Variants in KCNK2 observed in about 807,000 individuals in gnomAD.
KCNK2 encodes the protein potassium two pore domain channel subfamily K member 2.
A neutral mutation model predicts 40.5 loss-of-function variants in KCNK2; 21 were observed. The observed-to-expected ratio is 0.52, with a 90% CI of 0.37 to 0.75. The LOEUF (loss-of-function observed/expected upper bound fraction) is 0.75. Ranked by LOEUF, KCNK2 falls within the 30% of genes least tolerant of loss-of-function variation. The pLI is 0.00. For missense variants in KCNK2, 399 were observed against 531.6 expected (o/e 0.75, Z 2.45); for synonymous variants, 191 against 202.2 (o/e 0.94, Z 0.47).
chr1:215,196,369 GAGCCACCGTGCCAGGCCA>G (rs1664864866), intron 6 of KCNK2, among the ~76,000 whole-genome samples: 1 of 152,080 alleles, frequency 6.6e-6, no homozygotes, highest in Admixed American at 6.6e-5. Context: ...CTACAGGCAT[GAGCCACCGTGCCAGGCCA>G]AGTCATACAA....
At chr1:215,186,697 ATATT>A (rs1664451907) in intron 5 of KCNK2, among the ~76,000 whole-genome samples, 1 of 152,104 alleles carries the variant, frequency 6.6e-6, no homozygotes, top group Admixed American at 6.5e-5. Flanking sequence ...TTTTAACTTC[ATATT>A]TATTTATGCA....
Position 215,223,241 on chromosome 1 carries a change from T to TAAAAAAAAAAAAA in KCNK2, c.964-11578_964-11566dup, listed in dbSNP as rs56890763. Among the ~76,000 whole-genome samples, 143 of 112,008 alleles carry TAAAAAAAAAAAAA rather than the reference T, an allele frequency of 1.3e-3. 1 individual carries two copies. Among genetic ancestry groups the TAAAAAAAAAAAAA allele is most frequent in the African/African-American group, 1.5e-3 (44 of 29,594 alleles). 73.5% of individuals were successfully genotyped at this position (112,008 alleles called of 152,430 possible). On this transcript the variant is annotated intron_variant, in intron 6 of 6. Transcript: ENST00000444842. The stretch of plus-strand genomic sequence containing the variant: ...TATCTGTACAGAATAAGCTCTTTTC[T>TAAAAAAAAAAAAA]AAAAAAAAAAAAAAAAAAAAAGTCA...
intron 6 of KCNK2, among the ~76,000 whole-genome samples, chr1:215,218,466 G>A (rs138797676): frequency 7.0e-4 from 106 of 152,256 alleles, no homozygotes; most frequent in African/African-American, 2.2e-3. Flanking sequence ...ATATCACCCC[G>A]CATTCATCCA....
intron 1 of KCNK2, among the ~76,000 whole-genome samples, chr1:215,042,575 A>G (rs1444854894): frequency 6.6e-6 from 1 of 152,238 alleles, no homozygotes; most frequent in Admixed American, 6.5e-5. Context: ...TTGACTAAGA[A>G]TAAGAGTAGA....
chr1:215,016,775 A>G, intron 1 of KCNK2, among the ~76,000 whole-genome samples: 1 of 152,158 alleles, frequency 6.6e-6, no homozygotes, highest in Non-Finnish European at 1.5e-5. Flanking sequence ...AAAGCTTCTG[A>G]ACAGCAAAGG....
chr1:215,181,885 T>G (rs1280583662), intron 5 of KCNK2, among the ~76,000 whole-genome samples: 2 of 152,198 alleles, frequency 1.3e-5, no homozygotes, highest in East Asian at 3.9e-4. Flanking sequence ...AGGGCTGGGC[T>G]TGGCAGGTTT....
At position 215,086,504 on chromosome 1, in the gene KCNK2, G is replaced by A. The variant is rs375389536; in HGVS notation, c.183G>A (p.Thr61=). 12 of 1,613,988 alleles carry A rather than the reference G, an allele frequency of 7.4e-6. No homozygotes were observed. The East Asian group carries it at 2.0e-4, about 27-fold the overall frequency. Residue 61 remains threonine (T), a synonymous_variant, in exon 2 of 7, where the codon ACG becomes ACA. Transcript: ENST00000444842. ...CCATTAATGTTATGAAATGGAAGAC[G>A]GTCTCCACGATATTCCTGGTGGTTG... ...DTTINVMKWK[T]VSTIFLVVVL...
intron 3 of KCNK2, among the ~76,000 whole-genome samples, chr1:215,139,447 A>G (rs555865097): frequency 6.6e-6 from 1 of 152,202 alleles, no homozygotes; most frequent in East Asian, 1.9e-4. Context: ...CATGAATCCC[A>G]TGTTGATGAC....
At chr1:215,043,571 T>C (rs1017626294) in intron 1 of KCNK2, among the ~76,000 whole-genome samples, 6 of 152,182 alleles carry the variant, frequency 3.9e-5, no homozygotes, top group African/African-American at 9.7e-5. Context: ...ACTGCACTTA[T>C]ATGAGATACC....
intron 1 of KCNK2, among the ~76,000 whole-genome samples, chr1:215,038,333 TTTG>T (rs1657454126): frequency 6.6e-6 from 1 of 152,044 alleles, no homozygotes; most frequent in African/African-American, 2.4e-5. Flanking sequence ...TCATGACTCT[TTTG>T]TTCATGTCAT....
At chr1:215,010,532 A>T (rs1251113564) in intron 1 of KCNK2, among the ~76,000 whole-genome samples, 1 of 152,114 alleles carries the variant, frequency 6.6e-6, no homozygotes, top group East Asian at 1.9e-4. Flanking sequence ...AGAGAAACAG[A>T]CTCTAAGGTT....
chr1:215,106,009 T>C lies in KCNK2; in HGVS notation c.358-18624T>C, dbSNP rs890986681. ...AATCTACTATTGACAGGCACCTAGATTGATTACATGGCTTTGCTGTGAATA... is the reference window on the plus strand; with the variant it reads ...AATCTACTATTGACAGGCACCTAGACTGATTACATGGCTTTGCTGTGAATA... On this transcript the variant is annotated intron_variant, in intron 2 of 6. Transcript: ENST00000444842. Among the ~76,000 whole-genome samples the C allele has an allele frequency of 3.9e-5, 6 of 152,162 alleles. 1 individual carries two copies. The highest frequency in any genetic ancestry group is 7.2e-5 in the African/African-American group (3 of 41,450).
intron 4 of KCNK2, among the ~76,000 whole-genome samples, chr1:215,171,337 G>T (rs1466639934): frequency 6.6e-6 from 1 of 152,000 alleles, no homozygotes; most frequent in Non-Finnish European, 1.5e-5. Flanking sequence ...CTTACCTGCT[G>T]ATCTTATAGC....
intron 2 of KCNK2, among the ~76,000 whole-genome samples, chr1:215,087,069 T>C (rs1659477989): frequency 6.6e-6 from 1 of 152,220 alleles, no homozygotes. Context: ...ATAATCATTG[T>C]CAACTGAGAA....
chr1:215,202,546 T>G (rs1348863475), intron 6 of KCNK2, among the ~76,000 whole-genome samples: 2 of 152,226 alleles, frequency 1.3e-5, no homozygotes, highest in Non-Finnish European at 2.9e-5. Flanking sequence ...ACCAAGACCC[T>G]AATTATGTCT....
At chr1:215,103,480 A>G (rs938470637) in intron 2 of KCNK2, among the ~76,000 whole-genome samples, 1 of 152,020 alleles carries the variant, frequency 6.6e-6, no homozygotes, top group Non-Finnish European at 1.5e-5. Flanking sequence ...TGACTATGTA[A>G]TTATTTTATT....
At chr1:215,010,636 CTT>C in intron 1 of KCNK2, among the ~76,000 whole-genome samples, 1 of 152,244 alleles carries the variant, frequency 6.6e-6, no homozygotes, top group African/African-American at 2.4e-5. Flanking sequence ...TGCTTTTGTT[CTT>C]TTGAAACCCG....
At chr1:215,007,253 G>A (rs1328686779) in intron 1 of KCNK2, among the ~76,000 whole-genome samples, 3 of 128,276 alleles carry the variant, frequency 2.3e-5, no homozygotes, top group Non-Finnish European at 4.8e-5. Flanking sequence ...AGTATGTAAT[G>A]TCCAGGTTCT....
intron 2 of KCNK2, among the ~76,000 whole-genome samples, chr1:215,096,252 A>G (rs1485318445): frequency 6.6e-6 from 1 of 151,934 alleles, no homozygotes; most frequent in Non-Finnish European, 1.5e-5. Flanking sequence ...TTTTACACGT[A>G]TAGGATCACG....
Sources: allele counts gnomAD v4.1 joint callset (sites outside exome capture counted in the v4.1 genomes callset), GRCh38; gene constraint gnomAD v4.1.1; transcripts MANE v1.5; gene names NCBI Gene and HGNC (gene_info 2026-07-23, HGNC 2026-07-21).